The following CDH19 variants were observed in gnomAD, a reference collection of about 807,000 sequenced individuals.
CDH19 encodes cadherin-19.
A neutral mutation model predicts 64.2 loss-of-function variants in CDH19; 67 were observed. The observed-to-expected ratio is 1.04, with a 90% CI of 0.86 to 1.28. The LOEUF (loss-of-function observed/expected upper bound fraction) is 1.28, where lower values mean the gene tolerates loss of function less well. Among genes scored for constraint, CDH19 ranks in the 50% most tolerant of loss-of-function variants. The pLI, the probability that CDH19 is intolerant of heterozygous loss-of-function variation, is 0.00. For missense variants in CDH19, 1,030 were observed against 929.0 expected, an observed-to-expected ratio of 1.11 and a Z score of -1.41; for synonymous variants, 346 against 319.3, an observed-to-expected ratio of 1.08 and a Z score of -0.89.
At chr18:66,533,226 AC>A (rs1986525923) in intron 8 of CDH19, among the ~76,000 whole-genome samples, 1 of 151,874 alleles carries the variant, frequency 6.6e-6, no homozygotes, top group Non-Finnish European at 1.5e-5. Context: ...ACACACACAC[AC>A]ACACACACAC....
intron 3 of CDH19, 44 bp from the exon 4 acceptor site, chr18:66,554,568 C>A (rs377159786): frequency 3.8e-6 from 6 of 1,573,070 alleles, no homozygotes; most frequent in Non-Finnish European, 5.2e-6. Flanking sequence ...TGGTTTTATT[C>A]AGGATGAATT....
intron 11 of CDH19, among the ~76,000 whole-genome samples, chr18:66,505,738 C>G (rs1455234265): frequency 2.0e-5 from 3 of 151,478 alleles, no homozygotes; most frequent in African/African-American, 7.3e-5. Flanking sequence ...TAGTTCAGAA[C>G]AACAGAACAG....
At chr18:66,531,012 G>T (rs1000571789) in intron 8 of CDH19, among the ~76,000 whole-genome samples, 1 of 152,194 alleles carries the variant, frequency 6.6e-6, no homozygotes, top group Non-Finnish European at 1.5e-5. Flanking sequence ...GAAGAATGAT[G>T]GTTTAGCCCA....
intron 1 of CDH19, among the ~76,000 whole-genome samples, chr18:66,586,092 T>G (rs535883210): frequency 1.3e-5 from 2 of 152,190 alleles, no homozygotes; most frequent in South Asian, 4.1e-4. Context: ...TGTAAAAATA[T>G]AATGTATTCC....
Position 66,504,527 on chromosome 18 carries a change from T to A in CDH19, c.*285A>T. 3.4e-6 allele frequency: 1 copy of A among 298,428 alleles called. No individual in the cohort carries two copies. Among genetic ancestry groups the A allele is most frequent in the South Asian group, 1.2e-4 (1 of 8,474 alleles). 18.5% of individuals were successfully genotyped at this position (298,428 alleles called of 1,614,324 possible). On this transcript the variant is annotated 3_prime_UTR_variant, in exon 12 of 12. Coordinates refer to ENST00000262150, the MANE Select transcript of CDH19 (RefSeq NM_021153.4). ...TATAATCGCATAAGGATCGACTACATCTTGTGTCCTCTCATCTACTTTTAA... is the reference window on the plus strand; with the variant it reads ...TATAATCGCATAAGGATCGACTACAACTTGTGTCCTCTCATCTACTTTTAA...
intron 3 of CDH19, among the ~76,000 whole-genome samples, chr18:66,560,322 G>C (rs1599015646): frequency 6.6e-6 from 1 of 151,996 alleles, no homozygotes; most frequent in African/African-American, 2.4e-5. Flanking sequence ...CTGAACATCA[G>C]GGAAACTTTT....
At chr18:66,540,750 G>A (rs1183949548) in intron 7 of CDH19, among the ~76,000 whole-genome samples, 1 of 152,042 alleles carries the variant, frequency 6.6e-6, no homozygotes, top group Non-Finnish European at 1.5e-5. Flanking sequence ...TGAGATTTAG[G>A]ATTTCAAAAT....
At chr18:66,544,278 T>A in intron 6 of CDH19, 54 bp from the exon 7 acceptor site, 1 of 1,528,604 alleles carries the variant, frequency 6.5e-7, no homozygotes, top group Admixed American at 2.2e-5. Context: ...CCCAAGATAC[T>A]ATTTAGAAAA....
chr18:66,538,570 A>G (rs1322945755), intron 7 of CDH19, among the ~76,000 whole-genome samples: 1 of 152,106 alleles, frequency 6.6e-6, no homozygotes, highest in East Asian at 1.9e-4. Context: ...ATTGGAGATC[A>G]TGTATAAAGC....
intron 7 of CDH19, among the ~76,000 whole-genome samples, chr18:66,542,396 T>C (rs376267485): frequency 3.9e-5 from 6 of 152,052 alleles, no homozygotes; most frequent in African/African-American, 1.4e-4. Flanking sequence ...TTCTGGAAAA[T>C]AGGTGAGTAA....
intron 1 of CDH19, among the ~76,000 whole-genome samples, chr18:66,575,597 G>A (rs1988242291): frequency 6.6e-6 from 1 of 151,784 alleles, no homozygotes; most frequent in African/African-American, 2.4e-5. Flanking sequence ...AATCACAGTT[G>A]TTACACCAAA....
intron 9 of CDH19, among the ~76,000 whole-genome samples, chr18:66,517,822 ATATAT>A (rs1383894763): frequency 3.3e-5 from 5 of 150,800 alleles, no homozygotes; most frequent in Admixed American, 6.6e-5. Flanking sequence ...GATATTTTGG[ATATAT>A]TATATCAAAT....
intron 3 of CDH19, among the ~76,000 whole-genome samples, chr18:66,566,627 T>C (rs965920118): frequency 4.6e-5 from 7 of 151,690 alleles, no homozygotes; most frequent in African/African-American, 1.5e-4. Context: ...AAACCAGGGG[T>C]CTTCAACTTA....
intron 1 of CDH19, among the ~76,000 whole-genome samples, chr18:66,583,950 T>C (rs749473086): frequency 3.3e-5 from 5 of 152,054 alleles, no homozygotes; most frequent in Non-Finnish European, 5.9e-5. Context: ...AGGCAAAGAT[T>C]TTATGACAAA....
intron 9 of CDH19, among the ~76,000 whole-genome samples, chr18:66,519,100 C>G (rs927007216): frequency 6.6e-6 from 1 of 152,030 alleles, no homozygotes; most frequent in African/African-American, 2.4e-5. Context: ...AATTCGACTC[C>G]CCTAAACATC....
chr18:66,532,962 T>G (rs936795149), intron 8 of CDH19, among the ~76,000 whole-genome samples: 10 of 152,128 alleles, frequency 6.6e-5, no homozygotes, highest in Non-Finnish European at 1.3e-4. Context: ...GGATTGCACC[T>G]GCTTGACCAC....
intron 3 of CDH19, among the ~76,000 whole-genome samples, chr18:66,567,241 A>G (rs1987943401): frequency 6.6e-6 from 1 of 151,648 alleles, no homozygotes. Flanking sequence ...TAATATATGC[A>G]AGAAGAAGAA....
intron 9 of CDH19, among the ~76,000 whole-genome samples, chr18:66,523,702 G>T (rs1986092290): frequency 6.6e-6 from 1 of 151,800 alleles, no homozygotes; most frequent in South Asian, 2.1e-4. Flanking sequence ...TGGTACATTA[G>T]GGTCTGTATG....
chr18:66,584,297 A>G (rs747280584), intron 1 of CDH19, among the ~76,000 whole-genome samples: 13 of 152,106 alleles, frequency 8.5e-5, no homozygotes, highest in South Asian at 2.1e-4. Flanking sequence ...ACGAGATACC[A>G]TCTTACACCA....
Sources: allele counts gnomAD v4.1 joint callset (sites outside exome capture counted in the v4.1 genomes callset), GRCh38; gene constraint gnomAD v4.1.1; transcripts MANE v1.5; gene names NCBI Gene and HGNC (gene_info 2026-07-23, HGNC 2026-07-21).